Variants in COL25A1 observed in about 807,000 individuals in gnomAD.
COL25A1 encodes collagen alpha-1(XXV) chain.
In COL25A1, 103 loss-of-function variants were observed where a neutral mutation model predicts 128.4. The ratio of observed to expected loss-of-function variants is 0.80; its 90% CI spans 0.68 to 0.94. The LOEUF (loss-of-function observed/expected upper bound fraction) is 0.94, where lower values mean the gene tolerates loss of function less well. Among genes scored for constraint, COL25A1 ranks in the 40% least tolerant of loss-of-function variants. The pLI is 0.00. For missense variants in COL25A1, 745 were observed against 840.0 expected (o/e 0.89, Z 1.40); for synonymous variants, 279 against 277.2 (o/e 1.01, Z -0.06).
At chr4:109,174,322 C>A (rs1429960905) in intron 3 of COL25A1, among the ~76,000 whole-genome samples, 1 of 151,896 alleles carries the variant, frequency 6.6e-6, no homozygotes, top group Non-Finnish European at 1.5e-5. Flanking sequence ...ACTGAAGCTC[C>A]CCCTCCCCAT....
At position 109,066,930 on chromosome 4, in the gene COL25A1, C is replaced by G. The variant is rs2125976289; in HGVS notation, c.368-16751G>C. Among the ~76,000 whole-genome samples, 2 of 152,288 alleles carry G rather than the reference C, an allele frequency of 1.3e-5. 1 individual carries two copies. Among genetic ancestry groups the G allele is most frequent in the Middle Eastern group, 6.8e-3 (2 of 294 alleles). The stretch of plus-strand genomic sequence containing the variant: ...AGGCAATCCTCCCAACTCAGCCTCC[C>G]AAAATGCTGAGATTACAGGTGTGAG... On this transcript the variant is annotated intron_variant, in intron 3 of 37. Transcript: ENST00000399132.
chr4:109,247,671 A>G (rs899757685), intron 3 of COL25A1, among the ~76,000 whole-genome samples: 1 of 152,200 alleles, frequency 6.6e-6, no homozygotes. Flanking sequence ...TAGCAGATGA[A>G]GTCAGTCTTG....
intron 31 of COL25A1, among the ~76,000 whole-genome samples, chr4:108,841,256 C>A (rs7694904): frequency 1.3e-5 from 2 of 151,926 alleles, no homozygotes; most frequent in East Asian, 1.9e-4. Context: ...GACCTCTGGG[C>A]GAGTACAAAA....
chr4:109,274,216 A>C (rs1316021352), intron 3 of COL25A1, among the ~76,000 whole-genome samples: 1 of 152,070 alleles, frequency 6.6e-6, no homozygotes, highest in African/African-American at 2.4e-5. Context: ...AATTAAAAAA[A>C]TGATAATCAA....
At chr4:109,269,199 T>C (rs916440997) in intron 3 of COL25A1, among the ~76,000 whole-genome samples, 43 of 151,560 alleles carry the variant, frequency 2.8e-4, no homozygotes, top group Admixed American at 9.9e-4. Flanking sequence ...TTTTTGTTCT[T>C]GCGATAGTTC....
At chr4:109,043,977 T>C (rs1248284406) in intron 5 of COL25A1, among the ~76,000 whole-genome samples, 1 of 152,110 alleles carries the variant, frequency 6.6e-6, no homozygotes, top group Non-Finnish European at 1.5e-5. Context: ...ATGTGTTACC[T>C]TTATGAGAAA....
chr4:109,069,133 T>G (rs983746268), intron 3 of COL25A1, among the ~76,000 whole-genome samples: 2 of 151,090 alleles, frequency 1.3e-5, no homozygotes, highest in East Asian at 1.9e-4. Flanking sequence ...ACTTTAAAAA[T>G]TTTTTTTTGG....
At chr4:109,070,158 T>G (rs1219366912) in intron 3 of COL25A1, among the ~76,000 whole-genome samples, 1 of 151,368 alleles carries the variant, frequency 6.6e-6, no homozygotes, top group Non-Finnish European at 1.5e-5. Context: ...CTCGGGAGGC[T>G]GAGGCAGGAG....
intron 20 of COL25A1, among the ~76,000 whole-genome samples, chr4:108,864,921 A>G (rs1227898118): frequency 6.6e-6 from 1 of 152,226 alleles, no homozygotes; most frequent in Non-Finnish European, 1.5e-5. Flanking sequence ...CAAAGCTTTT[A>G]AAGTGGGTAA....
chr4:108,919,563 C>T (rs575081433), intron 12 of COL25A1, among the ~76,000 whole-genome samples: 1 of 152,154 alleles, frequency 6.6e-6, no homozygotes, highest in South Asian at 2.1e-4. Context: ...CACTTTTCCA[C>T]CTGTTATAAT....
chr4:108,891,116 A>G (rs1741447794), intron 16 of COL25A1, among the ~76,000 whole-genome samples: 1 of 152,224 alleles, frequency 6.6e-6, no homozygotes, highest in African/African-American at 2.4e-5. Flanking sequence ...TATATGCTCA[A>G]TACATGTAAG....
intron 3 of COL25A1, among the ~76,000 whole-genome samples, chr4:109,273,146 T>C (rs973937547): frequency 3.9e-5 from 6 of 152,288 alleles, no homozygotes; most frequent in African/African-American, 1.4e-4. Context: ...CAAATAGTGT[T>C]ACTTTCTTTG....
At chr4:109,221,463 A>C (rs1007861457) in intron 3 of COL25A1, among the ~76,000 whole-genome samples, 2 of 152,206 alleles carry the variant, frequency 1.3e-5, no homozygotes, top group Non-Finnish European at 2.9e-5. Flanking sequence ...TACTGTTTCC[A>C]AGCGTATGCA....
At chr4:108,902,963 T>A (rs1272501328) in intron 13 of COL25A1, among the ~76,000 whole-genome samples, 1 of 151,786 alleles carries the variant, frequency 6.6e-6, no homozygotes, top group Non-Finnish European at 1.5e-5. Flanking sequence ...AGCACTAATA[T>A]CATAACTCAT....
chr4:109,239,559 T>G (rs1779741443), intron 3 of COL25A1, among the ~76,000 whole-genome samples: 1 of 151,442 alleles, frequency 6.6e-6, no homozygotes, highest in Non-Finnish European at 1.5e-5. Context: ...AAATATTTTT[T>G]TAAGTGGTAC....
At chr4:108,997,972 T>C (rs1394102165) in intron 6 of COL25A1, among the ~76,000 whole-genome samples, 1 of 152,152 alleles carries the variant, frequency 6.6e-6, no homozygotes, top group Admixed American at 6.6e-5. Flanking sequence ...ATGGAATGTA[T>C]CTCAAAATAA....
chr4:108,951,347 C>G (rs1386197241), intron 8 of COL25A1, among the ~76,000 whole-genome samples: 2 of 151,542 alleles, frequency 1.3e-5, no homozygotes, highest in Admixed American at 1.3e-4. Flanking sequence ...AATCCAAAGT[C>G]TCTGAAGATA....
At chr4:109,140,726 T>C (rs1429354928) in intron 3 of COL25A1, among the ~76,000 whole-genome samples, 1 of 152,210 alleles carries the variant, frequency 6.6e-6, no homozygotes, top group Non-Finnish European at 1.5e-5. Flanking sequence ...TTGATTTGGC[T>C]CTCTGTTTGC....
chr4:109,221,995 T>G (rs1177059771), intron 3 of COL25A1, among the ~76,000 whole-genome samples: 2 of 149,558 alleles, frequency 1.3e-5, no homozygotes, highest in Admixed American at 1.3e-4. Flanking sequence ...TCAGAGAAAC[T>G]AACAAAATTT....
Sources: gnomAD v4.1 joint callset for allele counts (sites outside exome capture counted in the v4.1 genomes callset) on GRCh38, gnomAD v4.1.1 for gene constraint, MANE v1.5 for transcripts, NCBI Gene and HGNC (gene_info 2026-07-23, HGNC 2026-07-21) for gene names.